The following CNTN3 variants were observed in gnomAD, a reference collection of about 807,000 sequenced individuals.
The protein encoded by CNTN3 is contactin-3.
CNTN3 carries 60 observed loss-of-function variants against 119.1 expected under a neutral mutation model. The observed-to-expected ratio is 0.50, with a 90% CI of 0.41 to 0.62. CNTN3 has a LOEUF of 0.62. Among genes scored for constraint, CNTN3 ranks in the 20% least tolerant of loss-of-function variants. CNTN3 has a pLI of 0.00. For synonymous variants in CNTN3, 450 were observed against 438.7 expected, an observed-to-expected ratio of 1.03 and a Z score of -0.32; for missense variants, 1,101 against 1,242.4, an observed-to-expected ratio of 0.89 and a Z score of 1.71.
intron 20 of CNTN3, among the ~76,000 whole-genome samples, chr3:74,271,765 T>G (rs903158558): frequency 3.9e-5 from 6 of 152,174 alleles, no homozygotes; most frequent in Non-Finnish European, 7.3e-5. Context: ...CATGTGGTAT[T>G]GTGCAACGAT....
chr3:74,534,618 T>C (rs1477370534), intron 1 of CNTN3, among the ~76,000 whole-genome samples: 1 of 152,072 alleles, frequency 6.6e-6, no homozygotes, highest in East Asian at 1.9e-4. Flanking sequence ...ATATACTGAA[T>C]TTAATGAGTT....
intron 5 of CNTN3, among the ~76,000 whole-genome samples, chr3:74,373,812 A>G (rs956587518): frequency 5.3e-5 from 8 of 152,162 alleles, no homozygotes; most frequent in Admixed American, 3.3e-4. Flanking sequence ...GACACAGGAA[A>G]TGACTGACTG....
At chr3:74,444,042 T>C (rs1702008368) in intron 4 of CNTN3, among the ~76,000 whole-genome samples, 1 of 152,128 alleles carries the variant, frequency 6.6e-6, no homozygotes, top group Non-Finnish European at 1.5e-5. Flanking sequence ...CTGGCAAACT[T>C]TGGTGTTCCT....
chr3:74,521,135 T>A lies in CNTN3; in HGVS notation c.-23A>T, dbSNP rs1429505090. 3 of 1,545,400 alleles carry A rather than the reference T, an allele frequency of 1.9e-6. No individual in the cohort carries two copies. The highest frequency in any genetic ancestry group is 2.7e-6 in the Non-Finnish European group (3 of 1,125,736). On this transcript the variant is annotated 5_prime_UTR_variant, in exon 2 of 23. Transcript: ENST00000263665. ...CATCTTTAATTGCCAAATGCAAGAG[T>A]AACTCTTGTCCAGTCTCTGATGAAT...
At chr3:74,335,293 A>G (rs751963565) in intron 12 of CNTN3, among the ~76,000 whole-genome samples, 1 of 152,210 alleles carries the variant, frequency 6.6e-6, no homozygotes, top group African/African-American at 2.4e-5. Context: ...TAGAAATTAC[A>G]TCACCATCAA....
intron 4 of CNTN3, among the ~76,000 whole-genome samples, chr3:74,458,996 G>C (rs1702318270): frequency 6.6e-6 from 1 of 151,944 alleles, no homozygotes; most frequent in South Asian, 2.1e-4. Flanking sequence ...AAATACTAGA[G>C]CTATATTTTT....
At chr3:74,326,280 C>G (rs1703128827) in intron 13 of CNTN3, among the ~76,000 whole-genome samples, 1 of 151,984 alleles carries the variant, frequency 6.6e-6, no homozygotes, top group Admixed American at 6.6e-5. Flanking sequence ...TATATTTTCT[C>G]ATTGGTTATT....
chr3:74,544,623 G>A (rs1284276542), intron 1 of CNTN3, among the ~76,000 whole-genome samples: 1 of 152,082 alleles, frequency 6.6e-6, no homozygotes, highest in Admixed American at 6.6e-5. Context: ...GCGGGGGACA[G>A]AGTCTTGCTT....
At chr3:74,376,199 C>T (rs1267824541) in intron 5 of CNTN3, among the ~76,000 whole-genome samples, 1 of 152,172 alleles carries the variant, frequency 6.6e-6, no homozygotes, top group East Asian at 1.9e-4. Context: ...TTCTAATCCA[C>T]AGAACTGTAA....
At chr3:74,472,967 G>T (rs936881041) in intron 4 of CNTN3, among the ~76,000 whole-genome samples, 1 of 151,896 alleles carries the variant, frequency 6.6e-6, no homozygotes, top group Admixed American at 6.6e-5. Context: ...CAGCCACTCT[G>T]GGATTCATCC....
At chr3:74,465,450 T>C (rs192229889) in intron 4 of CNTN3, among the ~76,000 whole-genome samples, 1 of 151,866 alleles carries the variant, frequency 6.6e-6, no homozygotes, top group African/African-American at 2.4e-5. Flanking sequence ...AAACAGAAAA[T>C]AATGGAAAGG....
chr3:74,588,566 A>G (rs1346823345), intron 1 of CNTN3, among the ~76,000 whole-genome samples: 19 of 152,080 alleles, frequency 1.2e-4, no homozygotes, highest in Admixed American at 1.2e-3. Context: ...ATCCCCATCA[A>G]GCTACCAATG....
chr3:74,369,640 G>GA (rs74435185), intron 7 of CNTN3, among the ~76,000 whole-genome samples: 9,511 of 143,018 alleles, frequency 0.067, 1,013 homozygotes, highest in African/African-American at 0.22. Flanking sequence ...AAATGAACAA[G>GA]AAAAAAAAAA....
At chr3:74,337,948 A>G (rs1703435839) in intron 11 of CNTN3, among the ~76,000 whole-genome samples, 1 of 151,976 alleles carries the variant, frequency 6.6e-6, no homozygotes, top group Non-Finnish European at 1.5e-5. Flanking sequence ...ATGAGATGGG[A>G]TTAACCTGTC....
chr3:74,420,752 C>T (rs1575708067), intron 5 of CNTN3, among the ~76,000 whole-genome samples: 1 of 152,170 alleles, frequency 6.6e-6, no homozygotes, highest in African/African-American at 2.4e-5. Flanking sequence ...CTAGAAAGAG[C>T]CCTGGTCATG....
chr3:74,547,128 C>A (rs1703927017), intron 1 of CNTN3, among the ~76,000 whole-genome samples: 1 of 152,136 alleles, frequency 6.6e-6, no homozygotes, highest in African/African-American at 2.4e-5. Context: ...TTTACACATA[C>A]ATATATTCAT....
At chr3:74,435,886 C>T (rs1481181722) in intron 4 of CNTN3, among the ~76,000 whole-genome samples, 1 of 152,084 alleles carries the variant, frequency 6.6e-6, no homozygotes, top group South Asian at 2.1e-4. Flanking sequence ...CTGGTCTCCC[C>T]GCCTGCAGCC....
At chr3:74,434,322 A>T (rs1559599597) in intron 4 of CNTN3, among the ~76,000 whole-genome samples, 1 of 152,212 alleles carries the variant, frequency 6.6e-6, no homozygotes, top group Non-Finnish European at 1.5e-5. Flanking sequence ...CAATTATACA[A>T]GTACAAGGTT....
At chr3:74,354,721 CA>C (rs529846399) in intron 11 of CNTN3, among the ~76,000 whole-genome samples, 1 of 151,812 alleles carries the variant, frequency 6.6e-6, no homozygotes. Context: ...AACAAACAAA[CA>C]AAAAAAGCCA....
Sources: allele counts gnomAD v4.1 joint callset (sites outside exome capture counted in the v4.1 genomes callset), GRCh38; gene constraint gnomAD v4.1.1; transcripts MANE v1.5; gene names NCBI Gene and HGNC (gene_info 2026-07-23, HGNC 2026-07-21).